The following LAMA2 variants were observed in gnomAD, a reference collection of about 807,000 sequenced individuals.
LAMA2 encodes the protein laminin subunit alpha 2.
In LAMA2, 269 loss-of-function variants were observed where a neutral mutation model predicts 364.8. The ratio of observed to expected loss-of-function variants is 0.74; its 90% CI spans 0.67 to 0.82. The LOEUF (loss-of-function observed/expected upper bound fraction) is 0.82, where lower values mean the gene tolerates loss of function less well. Ranked by LOEUF, LAMA2 falls within the 40% of genes least tolerant of loss-of-function variation. The pLI is 0.00. For synonymous variants in LAMA2, 1,379 were observed against 1,370.6 expected, an observed-to-expected ratio of 1.01 and a Z score of -0.14; for missense variants, 3,807 against 3,873.2, an observed-to-expected ratio of 0.98 and a Z score of 0.45.
At chr6:129,066,088 C>T (rs1173861560) in intron 3 of LAMA2, among the ~76,000 whole-genome samples, 1 of 115,872 alleles carries the variant, frequency 8.6e-6, no homozygotes, top group Non-Finnish European at 1.8e-5. Flanking sequence ...CTCTGTCGCC[C>T]AGGCTGGAGT....
At chr6:129,289,511 C>T (rs1197597868) in intron 19 of LAMA2, among the ~76,000 whole-genome samples, 1 of 152,096 alleles carries the variant, frequency 6.6e-6, no homozygotes, top group Non-Finnish European at 1.5e-5. Context: ...CAGTTGTTCA[C>T]CAGTGAATTC....
chr6:129,495,625 C>T (rs1248465645), intron 58 of LAMA2, among the ~76,000 whole-genome samples: 1 of 152,190 alleles, frequency 6.6e-6, no homozygotes, highest in Non-Finnish European at 1.5e-5. Flanking sequence ...AGGCAGGTCT[C>T]TCAGCCTGTG....
At chr6:129,112,076 C>A (rs1583062358) in intron 4 of LAMA2, among the ~76,000 whole-genome samples, 1 of 151,972 alleles carries the variant, frequency 6.6e-6, no homozygotes, top group East Asian at 1.9e-4. Flanking sequence ...CAGTTGACAC[C>A]TTTTAGGGGC....
intron 29 of LAMA2, among the ~76,000 whole-genome samples, chr6:129,340,830 C>CAA (rs34264921): frequency 0.041 from 2,311 of 56,440 alleles, 92 homozygotes; most frequent in African/African-American, 0.1. Context: ...AGCTCTGTCT[C>CAA]AAAAAAAAAA....
At chr6:128,935,494 T>C (rs982373473) in intron 1 of LAMA2, among the ~76,000 whole-genome samples, 1 of 152,182 alleles carries the variant, frequency 6.6e-6, no homozygotes, top group African/African-American at 2.4e-5. Flanking sequence ...TTCCAAGTCT[T>C]TGCTATTGTG....
At chr6:129,218,305 C>T (rs1288576537) in intron 12 of LAMA2, among the ~76,000 whole-genome samples, 1 of 152,046 alleles carries the variant, frequency 6.6e-6, no homozygotes, top group Non-Finnish European at 1.5e-5. Flanking sequence ...CTTGTAGTGA[C>T]CCTCCCTGTA....
chr6:128,934,487 A>ATTTTCTTTCTTT (rs145933703), intron 1 of LAMA2, among the ~76,000 whole-genome samples: 36 of 150,128 alleles, frequency 2.4e-4, no homozygotes, highest in Admixed American at 1.3e-3. Flanking sequence ...TTTTTTCTAC[A>ATTTTCTTTCTTT]TTTTCTTTCT....
rs752806166 is a variant in LAMA2 at position 129,486,550 on chromosome 6, T to C, written c.7826T>C (p.Ile2609Thr). Residue 2609 changes from isoleucine to threonine, a missense_variant, in exon 56 of 65, where the codon ATT (isoleucine) becomes ACT (threonine). Around this residue, in one of 3 missense-constraint regions of LAMA2, gnomAD observed 3,333 missense variants for 3,345.7 expected, o/e 1.00. Transcript: ENST00000421865. ...LSTGARTMRK[I>T]VIRPEPNLFH... ...ACAGGGGCACGAACAATGAGGAAAA[T>C]TGTGATCAGACCAGAGCCGAATCTG... 1.9e-5 allele frequency: 30 copies of C among 1,613,810 alleles called. No homozygotes were observed. The highest frequency in any genetic ancestry group is 1.3e-4 in the South Asian group (12 of 91,086).
At chr6:129,054,198 G>A (rs975799023) in intron 2 of LAMA2, among the ~76,000 whole-genome samples, 1 of 152,086 alleles carries the variant, frequency 6.6e-6, no homozygotes. Context: ...GCCTCTCAGG[G>A]GAATAGGAGG....
intron 1 of LAMA2, among the ~76,000 whole-genome samples, chr6:128,950,074 G>A (rs1408127362): frequency 2.0e-5 from 3 of 152,164 alleles, no homozygotes. Context: ...TATTGTTTAA[G>A]TACTTACAAT....
chr6:129,113,764 CACAA>C (rs1486111033), intron 4 of LAMA2, among the ~76,000 whole-genome samples: 3 of 151,976 alleles, frequency 2.0e-5, no homozygotes, highest in Non-Finnish European at 4.4e-5. Context: ...CTTCTACCTG[CACAA>C]ACACTCAACT....
intron 45 of LAMA2, among the ~76,000 whole-genome samples, chr6:129,448,149 A>T (rs1782485148): frequency 6.6e-6 from 1 of 152,058 alleles, no homozygotes; most frequent in African/African-American, 2.4e-5. Context: ...TTACCTGGGC[A>T]TGGTACATGC....
intron 2 of LAMA2, among the ~76,000 whole-genome samples, chr6:129,059,365 T>G (rs933366857): frequency 4.6e-5 from 7 of 152,212 alleles, no homozygotes; most frequent in Non-Finnish European, 8.8e-5. Flanking sequence ...CAACCACAAG[T>G]CAGGATTTTA....
In LAMA2 at chr6:129,512,381, G is replaced by C. The variant is rs1393350402; in HGVS notation, c.8876G>C (p.Gly2959Ala). ...TTTACAGTTGGTGGATTCAAAGTGGGATTGGACCTTCTTGTAGAATTTGAA... is the reference window on the plus strand; with the variant it reads ...TTTACAGTTGGTGGATTCAAAGTGGCATTGGACCTTCTTGTAGAATTTGAA... ...FAKAVGGFKV[G>A]LDLLVEFEFR... is the part of the protein sequence containing the mutation. Residue 2959 changes from glycine to alanine, a missense_variant, in exon 63 of 65, where the codon GGA becomes GCA. Around this residue, in one of 3 missense-constraint regions of LAMA2, gnomAD observed 3,333 missense variants for 3,345.7 expected, o/e 1.00. Transcript: ENST00000421865. 6.2e-7 allele frequency: 1 copy of C among 1,613,562 alleles called. No homozygotes were observed.
intron 41 of LAMA2, among the ~76,000 whole-genome samples, chr6:129,431,926 A>T (rs891787671): frequency 6.6e-6 from 1 of 152,222 alleles, no homozygotes; most frequent in African/African-American, 2.4e-5. Context: ...ATTATTTTAT[A>T]TTTTAAAAAT....
intron 1 of LAMA2, among the ~76,000 whole-genome samples, chr6:128,894,748 G>C (rs1013268307): frequency 6.6e-6 from 1 of 152,172 alleles, no homozygotes; most frequent in South Asian, 2.1e-4. Context: ...CTGGGAGTGT[G>C]TGGTGGTGAA....
chr6:129,098,488 A>G (rs1309140115), intron 4 of LAMA2, 73 bp downstream of exon 4: 46 of 1,487,710 alleles, frequency 3.1e-5, no homozygotes, highest in Middle Eastern at 1.7e-4. Flanking sequence ...ACCTGAATAT[A>G]TCAGTAATTA....
Position 129,464,469 on chromosome 6 carries a change from T to C in LAMA2, c.7155+17T>C. On this transcript the variant is annotated intron_variant, in intron 50 of 64. Transcript: ENST00000421865. ...CGAGACCTGGTAAAGATCATATGCA[T>C]AGCAGAGTTTCCGTGACTAAAATGC... The C allele has an allele frequency of 6.2e-7, 1 of 1,602,430 alleles. No individual in the cohort carries two copies. Among genetic ancestry groups the C allele is most frequent in the Non-Finnish European group, 8.5e-7 (1 of 1,169,764 alleles).
intron 1 of LAMA2, among the ~76,000 whole-genome samples, chr6:128,952,941 CT>C (rs1269178493): frequency 1.3e-5 from 2 of 152,122 alleles, no homozygotes; most frequent in African/African-American, 4.8e-5. Context: ...TTTATTTTCA[CT>C]AGGGTTTTCT....
Sources: gnomAD v4.1 joint callset for allele counts (sites outside exome capture counted in the v4.1 genomes callset) on GRCh38, gnomAD v4.1.1 for gene constraint, gnomAD v4.1.1 regional missense constraint, MANE v1.5 for transcripts, NCBI Gene and HGNC (gene_info 2026-07-23, HGNC 2026-07-21) for gene names.